The following JPH2 variants were observed in gnomAD, a reference collection of about 807,000 sequenced individuals.
JPH2 encodes the protein junctophilin-2.
A neutral mutation model predicts 55.9 loss-of-function variants in JPH2; 38 were observed. That is an observed-to-expected ratio of 0.68 (90% CI 0.52 to 0.89). JPH2 has a LOEUF of 0.89. Among genes scored for constraint, JPH2 ranks in the 40% least tolerant of loss-of-function variants. JPH2 has a pLI of 0.00. For missense variants in JPH2, 964 were observed against 1,037.6 expected (o/e 0.93, Z 0.97); for synonymous variants, 480 against 472.4 (o/e 1.02, Z -0.21).
chr20:44,134,928 T>TAAAC (rs1569195998), intron 2 of JPH2, among the ~76,000 whole-genome samples: 1 of 111,528 alleles, frequency 9.0e-6, no homozygotes, highest in East Asian at 2.2e-4. Context: ...TATATATTTA[T>TAAAC]ATATATATAT....
intron 4 of JPH2, 121 bp from the exon 5 acceptor site, chr20:44,114,997 G>A (rs1310312142): frequency 1.9e-5 from 15 of 770,220 alleles, no homozygotes; most frequent in Middle Eastern, 2.3e-4. Flanking sequence ...GAGCATTGCC[G>A]GCTTTGTTCA....
intron 2 of JPH2, among the ~76,000 whole-genome samples, chr20:44,133,549 C>T (rs2072339847): frequency 6.6e-6 from 1 of 151,986 alleles, no homozygotes; most frequent in African/African-American, 2.4e-5. Flanking sequence ...GCATCACCAG[C>T]ACCTTTGCTC....
chr20:44,157,022 C>T (rs1249971746), intron 2 of JPH2, among the ~76,000 whole-genome samples: 1 of 152,188 alleles, frequency 6.6e-6, no homozygotes, highest in Non-Finnish European at 1.5e-5. Flanking sequence ...GCCAGGTAGT[C>T]TTGGGCATGT....
chr20:44,158,439 T>A (rs1215041738), intron 2 of JPH2, among the ~76,000 whole-genome samples: 1 of 152,142 alleles, frequency 6.6e-6, no homozygotes, highest in African/African-American at 2.4e-5. Flanking sequence ...TTTGGACAAG[T>A]CACCTTATCT....
At chr20:44,125,613 G>A (rs1423933322) in intron 2 of JPH2, among the ~76,000 whole-genome samples, 1 of 152,168 alleles carries the variant, frequency 6.6e-6, no homozygotes, top group African/African-American at 2.4e-5. Context: ...TGGGGAGCTC[G>A]CAGCCCAATG....
chr20:44,138,875 G>T (rs2072436088), intron 2 of JPH2, among the ~76,000 whole-genome samples: 1 of 152,084 alleles, frequency 6.6e-6, no homozygotes, highest in Admixed American at 6.6e-5. Context: ...TTTTTAAATA[G>T]TAAGGGGATC....
At chr20:44,142,167 C>T (rs1373151942) in intron 2 of JPH2, among the ~76,000 whole-genome samples, 2 of 152,288 alleles carry the variant, frequency 1.3e-5, no homozygotes, top group East Asian at 3.9e-4. Context: ...AGCGCATATG[C>T]CCTACCCTGA....
At chr20:44,144,983 A>T (rs1600849277) in intron 2 of JPH2, among the ~76,000 whole-genome samples, 1 of 14,120 alleles carries the variant, frequency 7.1e-5, no homozygotes, top group Middle Eastern at 0.033. Flanking sequence ...GAAGAAATGG[A>T]GGTACAGGAA....
At position 44,159,839 on chromosome 20, in the gene JPH2, G is replaced by T; in HGVS notation, c.948C>A (p.Gly316=). Reference sequence around the variant, plus strand: ...CGTGGCGCAGGTTGTCCAGCCACTCGCCCTCGTAGCGGAGGCCACTGGAGC... The same window carrying T: ...CGTGGCGCAGGTTGTCCAGCCACTCTCCCTCGTAGCGGAGGCCACTGGAGC... ...SERSSGLRYE[G]EWLDNLRHGY... Residue 316 remains glycine (G), a synonymous_variant, in exon 2 of 6, where the codon GGC becomes GGA. Coordinates refer to ENST00000372980, the MANE Select transcript of JPH2 (RefSeq NM_020433.5). This position sits in a 1 kb window ranked among gnomAD's most constrained non-coding sequence, Gnocchi z 5.7. 1 of 1,613,442 alleles carries T rather than the reference G, an allele frequency of 6.2e-7. No individual in the cohort carries two copies. The highest frequency in any genetic ancestry group is 8.5e-7 in the Non-Finnish European group (1 of 1,179,886).
intron 1 of JPH2, among the ~76,000 whole-genome samples, chr20:44,180,485 C>A (rs2072772482): frequency 6.6e-6 from 1 of 152,126 alleles, no homozygotes; most frequent in Non-Finnish European, 1.5e-5. Flanking sequence ...GCATGTGCCA[C>A]CATGTCCAGC....
intron 2 of JPH2, among the ~76,000 whole-genome samples, chr20:44,154,649 G>C (rs1426565061): frequency 1.3e-5 from 2 of 152,192 alleles, no homozygotes; most frequent in African/African-American, 4.8e-5. Context: ...ACAATGGAGA[G>C]AAAGCCCGGG....
Position 44,186,472 on chromosome 20 carries a change from C to T in JPH2, c.234G>A (p.Gly78=), listed in dbSNP as rs756407368. ...KRHGLGIETK[G]RWLYKGEWTH... ...TCCACTCGCCCTTGTAGAGCCAGCGCCCCTTGGTCTCTATGCCCAGCCCAT... is the reference window on the plus strand; with the variant it reads ...TCCACTCGCCCTTGTAGAGCCAGCGTCCCTTGGTCTCTATGCCCAGCCCAT... Residue 78 remains glycine, a synonymous_variant, in exon 1 of 6, where the codon GGG becomes GGA. Coordinates refer to ENST00000372980, the MANE Select transcript of JPH2 (RefSeq NM_020433.5). 1 of 1,614,160 alleles carries T rather than the reference C, an allele frequency of 6.2e-7. No individual in the cohort carries two copies. The highest frequency in any genetic ancestry group is 1.1e-5 in the South Asian group (1 of 91,082).
intron 2 of JPH2, among the ~76,000 whole-genome samples, chr20:44,134,250 C>T (rs563156912): frequency 2.3e-4 from 3 of 13,066 alleles, no homozygotes; most frequent in East Asian, 2.4e-3. Context: ...ATTATAAATA[C>T]ATATAAATAA....
At position 44,107,421 on chromosome 20, in the gene JPH2, A is replaced by G. The variant is rs375338344; in HGVS notation, c.*6097T>C. 1.3e-5 allele frequency among the ~76,000 whole-genome samples: 2 copies of G among 152,316 alleles called. No homozygotes were observed. Among genetic ancestry groups the G allele is most frequent in the Non-Finnish European group, 1.5e-5 (1 of 68,032 alleles). ...TCCCAGCCTCCCTTGAAGCTAGTTG[A>G]GGCCAAACAACTGAGCTCTGGCTAG... is the stretch of plus-strand genomic sequence containing the variant. On this transcript the variant is annotated 3_prime_UTR_variant, in exon 6 of 6. Coordinates refer to ENST00000372980, the MANE Select transcript of JPH2 (RefSeq NM_020433.5).
intron 1 of JPH2, among the ~76,000 whole-genome samples, chr20:44,162,509 C>A (rs2072618067): frequency 6.6e-6 from 1 of 151,746 alleles, no homozygotes; most frequent in South Asian, 2.1e-4. Flanking sequence ...TGGATGGGCA[C>A]CTTCTAAGCA....
chr20:44,117,812 T>C (rs1179267300), intron 3 of JPH2, among the ~76,000 whole-genome samples: 3 of 152,232 alleles, frequency 2.0e-5, no homozygotes, highest in Non-Finnish European at 2.9e-5. Flanking sequence ...CTCATCCTGC[T>C]GTGTGAAATG....
At chr20:44,124,783 A>G (rs2072263883) in intron 2 of JPH2, among the ~76,000 whole-genome samples, 1 of 151,234 alleles carries the variant, frequency 6.6e-6, no homozygotes, top group Admixed American at 6.6e-5. Flanking sequence ...CCACCCATGA[A>G]TGGTTTTTAT....
rs535980103 is a variant in JPH2 at position 44,107,037 on chromosome 20, C to T, written c.*6481G>A. Among the ~76,000 whole-genome samples, 4 of 152,294 alleles carry T rather than the reference C, an allele frequency of 2.6e-5. No individual in the cohort carries two copies. The East Asian group carries it at 5.8e-4, about 22-fold the overall frequency. Reference sequence around the variant, plus strand: ...TTCCTCTGCCCTGTTCTGCATTTTCCTCCTTCCTTTCACAGGTTTTGATCC... The same window carrying T: ...TTCCTCTGCCCTGTTCTGCATTTTCTTCCTTCCTTTCACAGGTTTTGATCC... On this transcript the variant is annotated 3_prime_UTR_variant, in exon 6 of 6. Coordinates refer to ENST00000372980, the MANE Select transcript of JPH2 (RefSeq NM_020433.5).
chr20:44,115,893 G>A lies in JPH2; in HGVS notation c.1782C>T (p.Ser594=), dbSNP rs541676256. 8.9e-6 allele frequency: 14 copies of A among 1,578,200 alleles called. No homozygotes were observed. The highest frequency in any genetic ancestry group is 2.2e-5 in the South Asian group (2 of 89,244). Residue 594 remains serine (S), a synonymous_variant, in exon 4 of 6, where the codon TCC becomes TCT. Coordinates refer to ENST00000372980, the MANE Select transcript of JPH2 (RefSeq NM_020433.5). ...GGGCGGTGGCCGGGGACGAGGGCGCGGACTCGGACCCGGAGACCTCGGGCT... is the reference window on the plus strand; with the variant it reads ...GGGCGGTGGCCGGGGACGAGGGCGCAGACTCGGACCCGGAGACCTCGGGCT... ...QPEPEVSGSE[S]APSSPATAPL...
Sources: allele counts gnomAD v4.1 joint callset (sites outside exome capture counted in the v4.1 genomes callset), GRCh38; gene constraint gnomAD v4.1.1; non-coding constraint Gnocchi (gnomAD v3.1); transcripts MANE v1.5; gene names NCBI Gene and HGNC (gene_info 2026-07-23, HGNC 2026-07-21).